Variants in CADM2 observed in about 807,000 individuals in gnomAD.
CADM2 encodes immunoglobulin superfamily member 4D.
CADM2 carries 12 observed loss-of-function variants against 49.8 expected under a neutral mutation model. That is an observed-to-expected ratio of 0.24 (90% CI 0.15 to 0.39). The LOEUF is 0.39. Ranked by LOEUF, CADM2 falls within the 10% of genes least tolerant of loss-of-function variation. The pLI is 1.00. For missense variants in CADM2, 378 were observed against 492.3 expected (o/e 0.77, Z 2.20); for synonymous variants, 214 against 175.4 (o/e 1.22, Z -1.74).
chr3:85,197,177 T>C (rs1311028877), intron 1 of CADM2, among the ~76,000 whole-genome samples: 2 of 151,818 alleles, frequency 1.3e-5, no homozygotes, highest in East Asian at 3.9e-4. Flanking sequence ...AGGATAAATT[T>C]ATTGAGTTAT....
At chr3:86,026,829 A>T (rs992966466) in intron 8 of CADM2, among the ~76,000 whole-genome samples, 3 of 152,186 alleles carry the variant, frequency 2.0e-5, no homozygotes, top group Admixed American at 2.0e-4. Flanking sequence ...AAAATACTGA[A>T]TACTTCATGA....
At chr3:85,133,581 A>G (rs1463341603) in intron 1 of CADM2, among the ~76,000 whole-genome samples, 1 of 147,714 alleles carries the variant, frequency 6.8e-6, no homozygotes. Context: ...ACAATCCCTG[A>G]GCTAGACATA....
intron 1 of CADM2, among the ~76,000 whole-genome samples, chr3:85,267,047 T>C (rs1479955829): frequency 2.0e-5 from 3 of 151,912 alleles, no homozygotes; most frequent in African/African-American, 2.4e-5. Context: ...GAGAAAGGTA[T>C]AATGAGTTAT....
chr3:85,551,135 C>T (rs1383470766), intron 1 of CADM2, among the ~76,000 whole-genome samples: 1 of 151,888 alleles, frequency 6.6e-6, no homozygotes, highest in African/African-American at 2.4e-5. Context: ...AGGTGTGCAC[C>T]ACCATGCTCA....
intron 8 of CADM2, among the ~76,000 whole-genome samples, chr3:86,042,008 T>C (rs1193330381): frequency 5.3e-5 from 8 of 152,048 alleles, no homozygotes; most frequent in African/African-American, 1.9e-4. Flanking sequence ...AAGGCAGAAA[T>C]AAAGATGTTC....
intron 1 of CADM2, among the ~76,000 whole-genome samples, chr3:85,701,045 G>A (rs191995130): frequency 5.0e-4 from 75 of 151,184 alleles, no homozygotes; most frequent in African/African-American, 1.8e-3. Context: ...ATTGTCCCAT[G>A]GTTCTGCAGG....
intron 1 of CADM2, among the ~76,000 whole-genome samples, chr3:84,987,370 A>G (rs1479817617): frequency 6.6e-6 from 1 of 152,078 alleles, no homozygotes; most frequent in African/African-American, 2.4e-5. Flanking sequence ...ATGCAAGGCA[A>G]ATTGCTTAGT....
intron 1 of CADM2, among the ~76,000 whole-genome samples, chr3:85,166,374 T>A (rs1182462923): frequency 2.0e-5 from 3 of 151,858 alleles, no homozygotes; most frequent in African/African-American, 7.2e-5. Context: ...TATTTTATAA[T>A]GAGATTTTAG....
rs543353829 is a variant in CADM2, at chr3:85,470,190, A to G, written c.62-256332A>G. ...CTAACAGTGCTTTTGGAGAACTCAC[A>G]AAACTTGTTATGGATACAAACAGTG... On this transcript the variant is annotated intron_variant, in intron 1 of 9. Coordinates refer to ENST00000383699, the MANE Select transcript of CADM2 (RefSeq NM_001167675.2). Among the ~76,000 whole-genome samples the G allele has an allele frequency of 1.2e-4, 18 of 152,354 alleles. No individual in the cohort carries two copies. In the East Asian group the frequency reaches 3.3e-3, roughly 28 times the overall value.
intron 2 of CADM2, chr3:85,800,214 G>A (rs1680067538): frequency 6.6e-6 from 1 of 152,262 alleles, no homozygotes; most frequent in Non-Finnish European, 1.5e-5. Flanking sequence ...TCAAGCCTCA[G>A]TAATAGCAGA....
chr3:85,435,652 A>G (rs757493642), intron 1 of CADM2, among the ~76,000 whole-genome samples: 10 of 151,974 alleles, frequency 6.6e-5, no homozygotes, highest in Non-Finnish European at 8.8e-5. Flanking sequence ...AAGCATTCCT[A>G]TTTCTCCACA....
intron 1 of CADM2, among the ~76,000 whole-genome samples, chr3:85,638,953 C>A (rs1478234462): frequency 4.6e-5 from 7 of 151,896 alleles, no homozygotes; most frequent in Non-Finnish European, 8.8e-5. Context: ...AGAAAAGAGA[C>A]GAGTAAAGCA....
At chr3:85,924,600 T>TAAAA (rs1719587392) in intron 6 of CADM2, among the ~76,000 whole-genome samples, 2 of 150,516 alleles carry the variant, frequency 1.3e-5, no homozygotes, top group East Asian at 3.9e-4. Flanking sequence ...TAAAAATAAA[T>TAAAA]AAATAAATAA....
chr3:85,655,559 C>T (rs1577026530), intron 1 of CADM2, among the ~76,000 whole-genome samples: 1 of 151,818 alleles, frequency 6.6e-6, no homozygotes, highest in East Asian at 1.9e-4. Flanking sequence ...CTGGTAGGCA[C>T]TGTACTAAAA....
At chr3:85,298,848 T>C (rs2044027837) in intron 1 of CADM2, among the ~76,000 whole-genome samples, 1 of 152,104 alleles carries the variant, frequency 6.6e-6, no homozygotes. Context: ...ATTGAGTTAT[T>C]GACTAAAAAT....
intron 1 of CADM2, among the ~76,000 whole-genome samples, chr3:85,244,191 G>T (rs2042596759): frequency 6.6e-6 from 1 of 152,028 alleles, no homozygotes; most frequent in Non-Finnish European, 1.5e-5. Flanking sequence ...GGCTAATCAT[G>T]CTGACCACTT....
intron 1 of CADM2, among the ~76,000 whole-genome samples, chr3:85,107,707 T>C (rs2038299124): frequency 6.7e-6 from 1 of 148,412 alleles, no homozygotes; most frequent in African/African-American, 2.5e-5. Context: ...CTCTTTCTTT[T>C]TTTTTTTTTT....
At chr3:85,298,031 G>T (rs58725437) in intron 1 of CADM2, among the ~76,000 whole-genome samples, 10 of 151,892 alleles carry the variant, frequency 6.6e-5, no homozygotes, top group Non-Finnish European at 1.5e-4. Flanking sequence ...TCAAAATGAT[G>T]TTCCAGTTTA....
chr3:85,559,702 C>G (rs1305975887), intron 1 of CADM2, among the ~76,000 whole-genome samples: 1 of 150,262 alleles, frequency 6.7e-6, no homozygotes, highest in Non-Finnish European at 1.5e-5. Context: ...ATATATATCA[C>G]TTTTTAAAAA....
Sources: gnomAD v4.1 joint callset for allele counts (sites outside exome capture counted in the v4.1 genomes callset) on GRCh38, gnomAD v4.1.1 for gene constraint, MANE v1.5 for transcripts, NCBI Gene and HGNC (gene_info 2026-07-23, HGNC 2026-07-21) for gene names.